Variants in TBC1D23 observed in about 807,000 individuals in gnomAD.
TBC1D23 encodes TBC1 domain family member 23.
In TBC1D23, 55 loss-of-function variants were observed where a neutral mutation model predicts 91.4. That is an observed-to-expected ratio of 0.60 (90% CI 0.48 to 0.75). The LOEUF (loss-of-function observed/expected upper bound fraction) is 0.75. Among genes scored for constraint, TBC1D23 ranks in the 30% least tolerant of loss-of-function variants. TBC1D23 has a pLI of 0.00. For missense variants in TBC1D23, 725 were observed against 836.1 expected (o/e 0.87, Z 1.64); for synonymous variants, 289 against 281.0 (o/e 1.03, Z -0.28).
rs778398036 is a variant in TBC1D23, at chr3:100,295,333, AAAG to A, written c.764_766del (p.Glu255del). 9.3e-6 allele frequency: 15 copies of A among 1,609,836 alleles called. No homozygotes were observed. Among genetic ancestry groups the A allele is most frequent in the South Asian group, 5.5e-5 (5 of 90,304 alleles). ...TATTTTAACACAAGAGTCAGACAGC[AAAG>A]AAGAAGTTATCAGTAAGTATCATTT... On this transcript the variant is annotated inframe_deletion, in exon 7 of 19. Transcript: ENST00000394144.
intron 4 of TBC1D23, among the ~76,000 whole-genome samples, chr3:100,286,240 C>T (rs2067740799): frequency 6.6e-6 from 1 of 152,188 alleles, no homozygotes; most frequent in Non-Finnish European, 1.5e-5. Context: ...CTCATGGCCA[C>T]CTCTTGCTCT....
chr3:100,320,426 A>G (rs1211872873), intron 17 of TBC1D23, among the ~76,000 whole-genome samples: 1 of 152,200 alleles, frequency 6.6e-6, no homozygotes, highest in Non-Finnish European at 1.5e-5. Context: ...TTGAATGAGA[A>G]TAGTTTATGA....
At chr3:100,298,549 G>A (rs1357929367) in intron 9 of TBC1D23, among the ~76,000 whole-genome samples, 1 of 152,184 alleles carries the variant, frequency 6.6e-6, no homozygotes, top group African/African-American at 2.4e-5. Context: ...TAACCATGGT[G>A]TGTATTTGGA....
At position 100,323,620 on chromosome 3, in the gene TBC1D23, A is replaced by C; in HGVS notation, c.2052A>C (p.Lys684Asn). The C allele has an allele frequency of 6.5e-7, 1 of 1,536,822 alleles. No homozygotes were observed. The highest frequency in any genetic ancestry group is 8.8e-7 in the Non-Finnish European group (1 of 1,142,492). The change falls in exon 19 of 19, where the codon AAA becomes AAC. Residue 684 changes from lysine to asparagine, a missense_variant. Transcript: ENST00000394144. ...YLIPNAGDAT[K>N]AIKQQIMKVL... The stretch of plus-strand genomic sequence containing the variant: ...TTCCAAATGCAGGGGATGCAACTAA[A>C]GCCATAAAACAGCAGATCATGAAAG...
At chr3:100,273,128 A>G in intron 1 of TBC1D23, among the ~76,000 whole-genome samples, 1 of 152,228 alleles carries the variant, frequency 6.6e-6, no homozygotes, top group Non-Finnish European at 1.5e-5. Context: ...ACCTTGGACA[A>G]TACCTGGCTT....
At chr3:100,271,204 A>T (rs2067596593) in intron 1 of TBC1D23, among the ~76,000 whole-genome samples, 1 of 152,146 alleles carries the variant, frequency 6.6e-6, no homozygotes, top group Non-Finnish European at 1.5e-5. Context: ...TCAAAGAGGG[A>T]TGAGAAATGG....
chr3:100,322,220 G>A (rs770521654), intron 18 of TBC1D23, among the ~76,000 whole-genome samples: 4 of 151,990 alleles, frequency 2.6e-5, no homozygotes, highest in African/African-American at 7.2e-5. Context: ...TCAGCCTACC[G>A]AGTAGCTGGG....
intron 3 of TBC1D23, among the ~76,000 whole-genome samples, chr3:100,282,869 C>T (rs1351849704): frequency 6.6e-6 from 1 of 152,146 alleles, no homozygotes; most frequent in Non-Finnish European, 1.5e-5. Flanking sequence ...CTATCTTTAC[C>T]TATCCCTTTA....
chr3:100,268,733 G>A (rs2067577452), intron 1 of TBC1D23, among the ~76,000 whole-genome samples: 1 of 152,172 alleles, frequency 6.6e-6, no homozygotes, highest in African/African-American at 2.4e-5. Flanking sequence ...AAACAAGGAT[G>A]CATTTCTTTG....
rs1226703745 is a variant in TBC1D23, at chr3:100,306,478, G to C, written c.1348G>C (p.Glu450Gln). The change falls in exon 13 of 19, where the codon GAA becomes CAA. Residue 450 changes from glutamate to glutamine, a missense_variant. Coordinates refer to ENST00000394144, the MANE Select transcript of TBC1D23 (RefSeq NM_001199198.3). ...GGCAGACATTAATGTGGATGGACCA[G>C]AAAATGGATATGGCCATTGGATTGC... ...HLADINVDGPENGYGHWIAST... is the reference protein window; with the variant it reads ...HLADINVDGPQNGYGHWIAST... 1 of 1,613,072 alleles carries C rather than the reference G, an allele frequency of 6.2e-7. No individual in the cohort carries two copies. Among genetic ancestry groups the C allele is most frequent in the Non-Finnish European group, 8.5e-7 (1 of 1,179,154 alleles).
chr3:100,263,988 A>AT (rs2067536677), intron 1 of TBC1D23, among the ~76,000 whole-genome samples: 1 of 152,120 alleles, frequency 6.6e-6, no homozygotes, highest in Non-Finnish European at 1.5e-5. Context: ...ATGGTCGGTG[A>AT]TTTCTGTTTT....
Position 100,312,987 on chromosome 3 carries a change from A to G in TBC1D23, c.1598+1110A>G, listed in dbSNP as rs529297775. On this transcript the variant is annotated intron_variant, in intron 15 of 18. Transcript: ENST00000394144. ...GCTAACATAGTGAAACCCCGTCTCTACAGAGTGAGACTGCGTCTCAAAAAA... is the reference window on the plus strand; with the variant it reads ...GCTAACATAGTGAAACCCCGTCTCTGCAGAGTGAGACTGCGTCTCAAAAAA... Among the ~76,000 whole-genome samples the G allele has an allele frequency of 6.6e-5, 10 of 151,720 alleles. No individual in the cohort carries two copies. In the East Asian group the frequency reaches 1.9e-3, roughly 30 times the overall value.
intron 1 of TBC1D23, chr3:100,267,340 A>G (rs2067565403): frequency 8.0e-6 from 3 of 376,190 alleles, no homozygotes; most frequent in South Asian, 3.9e-5. Flanking sequence ...CTGAAATTTA[A>G]TGTCTGTTTG....
At chr3:100,289,093 G>C (rs969269875) in intron 4 of TBC1D23, among the ~76,000 whole-genome samples, 9 of 151,934 alleles carry the variant, frequency 5.9e-5, no homozygotes, top group Non-Finnish European at 1.2e-4. Context: ...TGTACCTGTA[G>C]TCCCAGCTGC....
intron 5 of TBC1D23, among the ~76,000 whole-genome samples, chr3:100,292,098 G>T (rs974702415): frequency 6.6e-6 from 1 of 152,134 alleles, no homozygotes; most frequent in Non-Finnish European, 1.5e-5. Flanking sequence ...CACATATCAT[G>T]TAGGCGTTGG....
chr3:100,270,069 C>T (rs2067588568), intron 1 of TBC1D23, among the ~76,000 whole-genome samples: 1 of 152,188 alleles, frequency 6.6e-6, no homozygotes, highest in Non-Finnish European at 1.5e-5. Flanking sequence ...GAGCCGCTCC[C>T]ACCTCTGTTC....
intron 1 of TBC1D23, among the ~76,000 whole-genome samples, chr3:100,271,839 A>G (rs1312234685): frequency 6.6e-6 from 1 of 152,220 alleles, no homozygotes; most frequent in Non-Finnish European, 1.5e-5. Flanking sequence ...CAGACTGGTT[A>G]GATTAACCTA....
At chr3:100,287,764 C>T (rs2148857354) in intron 4 of TBC1D23, among the ~76,000 whole-genome samples, 2 of 152,128 alleles carry the variant, frequency 1.3e-5, no homozygotes, top group South Asian at 2.1e-4. Flanking sequence ...TTATTTTTCC[C>T]TTTAAATTAC....
At chr3:100,318,414 G>T (rs1705791728) in intron 16 of TBC1D23, among the ~76,000 whole-genome samples, 1 of 152,034 alleles carries the variant, frequency 6.6e-6, no homozygotes, top group Admixed American at 6.6e-5. Flanking sequence ...TCTCAAGATA[G>T]GTGCCTATTG....
Sources: gnomAD v4.1 joint callset for allele counts (sites outside exome capture counted in the v4.1 genomes callset) on GRCh38, gnomAD v4.1.1 for gene constraint, MANE v1.5 for transcripts, NCBI Gene and HGNC (gene_info 2026-07-23, HGNC 2026-07-21) for gene names.